Variants in FCHO2 observed in about 807,000 individuals in gnomAD.
FCHO2 encodes the protein FCH and mu domain containing endocytic adaptor 2, also known as F-BAR domain only protein 2.
In FCHO2, 43 loss-of-function variants were observed where a neutral mutation model predicts 114.1. That is an observed-to-expected ratio of 0.38 (90% confidence interval 0.30 to 0.49). The LOEUF (loss-of-function observed/expected upper bound fraction) is 0.49. Ranked by LOEUF, FCHO2 falls within the 20% of genes least tolerant of loss-of-function variation. FCHO2 has a pLI of 0.97. For synonymous variants in FCHO2, 293 were observed against 315.2 expected, an observed-to-expected ratio of 0.93 and a Z score of 0.75; for missense variants, 807 against 950.4, an observed-to-expected ratio of 0.85 and a Z score of 1.98.
Position 72,966,344 on chromosome 5 carries a change from G to T in FCHO2, c.34-2154G>T, listed in dbSNP as rs1217343170. Among the ~76,000 whole-genome samples, 10 of 152,070 alleles carry T rather than the reference G, an allele frequency of 6.6e-5. No individual in the cohort carries two copies. The East Asian group carries it at 1.5e-3, about 23-fold the overall frequency. ...TATCTTTTTGTTTTTTTAGAGACAGGTTCTCACTTTGGCCAGGCTGGTCTT... is the reference window on the plus strand; with the variant it reads ...TATCTTTTTGTTTTTTTAGAGACAGTTTCTCACTTTGGCCAGGCTGGTCTT... On this transcript the variant is annotated intron_variant, in intron 1 of 25. Coordinates refer to ENST00000430046, the MANE Select transcript of FCHO2 (RefSeq NM_138782.3).
intron 8 of FCHO2, chr5:73,020,583 G>A (rs1285496386): frequency 7.9e-5 from 53 of 669,746 alleles, no homozygotes; most frequent in Non-Finnish European, 6.8e-5. Flanking sequence ...TGCAACAGCA[G>A]TAGTACTTTG....
chr5:72,978,561 C>T (rs1310654545), intron 2 of FCHO2, among the ~76,000 whole-genome samples: 1 of 152,150 alleles, frequency 6.6e-6, no homozygotes, highest in Non-Finnish European at 1.5e-5. Context: ...CAAACAGAGA[C>T]AATTTGACAT....
rs1754712077 is a variant in FCHO2 at position 73,006,320 on chromosome 5, A to G, written c.496-125A>G. 6 of 512,248 alleles carry G rather than the reference A, an allele frequency of 1.2e-5. No individual in the cohort carries two copies. In the East Asian group the frequency reaches 2.2e-4, roughly 19 times the overall value. The allele number at this position is 512,248 out of a possible 1,614,324, so 31.7% of individuals were successfully genotyped here. A position where few individuals can be genotyped will look rare whatever the true frequency, so the allele number is the denominator to read the frequency against. On this transcript the variant is annotated intron_variant, in intron 5 of 25. Transcript: ENST00000430046. ...TAAAGAGGGCCTCACAACAAGTATC[A>G]AAGTTAGTTATATGTCATATTGAAC... is the stretch of plus-strand genomic sequence containing the variant.
At chr5:73,011,488 T>C (rs1054895692) in intron 6 of FCHO2, among the ~76,000 whole-genome samples, 1 of 152,310 alleles carries the variant, frequency 6.6e-6, no homozygotes, top group East Asian at 1.9e-4. Context: ...TAAATCTTTT[T>C]CCTAAAAACT....
At chr5:72,995,878 G>A (rs1754065211) in intron 5 of FCHO2, among the ~76,000 whole-genome samples, 1 of 151,982 alleles carries the variant, frequency 6.6e-6, no homozygotes, top group African/African-American at 2.4e-5. Flanking sequence ...CGTCACATTG[G>A]GGATTAAGTT....
chr5:73,002,158 G>A (rs967727551), intron 5 of FCHO2, among the ~76,000 whole-genome samples: 1 of 152,104 alleles, frequency 6.6e-6, no homozygotes, highest in African/African-American at 2.4e-5. Flanking sequence ...GATTTATAGT[G>A]AGAATATCAT....
intron 2 of FCHO2, among the ~76,000 whole-genome samples, chr5:72,975,507 CT>C (rs932555172): frequency 3.4e-5 from 5 of 148,354 alleles, no homozygotes; most frequent in Non-Finnish European, 1.5e-5. Context: ...TTGTATTATT[CT>C]TTTTTTTTTG....
intron 2 of FCHO2, among the ~76,000 whole-genome samples, chr5:72,972,809 G>C (rs1441838339): frequency 6.6e-6 from 1 of 152,050 alleles, no homozygotes; most frequent in Non-Finnish European, 1.5e-5. Context: ...TCCAGTTTTT[G>C]CCCATTCAGT....
chr5:72,962,850 GC>G (rs1751947503), intron 1 of FCHO2, among the ~76,000 whole-genome samples: 1 of 151,610 alleles, frequency 6.6e-6, no homozygotes, highest in Non-Finnish European at 1.5e-5. Flanking sequence ...CCGAGATCAC[GC>G]CACTGTACTC....
chr5:73,046,672 T>A (rs1385680747), intron 11 of FCHO2, among the ~76,000 whole-genome samples: 1 of 152,218 alleles, frequency 6.6e-6, no homozygotes, highest in Non-Finnish European at 1.5e-5. Flanking sequence ...AGTTTCCTTA[T>A]TTTTAAAGTA....
chr5:73,059,814 T>G (rs1757768854), intron 17 of FCHO2, among the ~76,000 whole-genome samples: 1 of 151,930 alleles, frequency 6.6e-6, no homozygotes, highest in African/African-American at 2.4e-5. Flanking sequence ...ATTAACCATA[T>G]ATATATTATA....
At chr5:72,977,023 G>A (rs952129995) in intron 2 of FCHO2, among the ~76,000 whole-genome samples, 1 of 152,124 alleles carries the variant, frequency 6.6e-6, no homozygotes, top group Non-Finnish European at 1.5e-5. Context: ...TCCAGTCTGT[G>A]ATTGATGTGC....
At position 73,051,329 on chromosome 5, in the gene FCHO2, T is replaced by C. The variant is rs957851921; in HGVS notation, c.940-20T>C. 1.3e-6 allele frequency: 2 copies of C among 1,485,156 alleles called. No individual in the cohort carries two copies. Among genetic ancestry groups the C allele is most frequent in the Non-Finnish European group, 9.1e-7 (1 of 1,096,202 alleles). The allele number at this position is 1,485,156 out of a possible 1,614,324, so 92.0% of individuals were successfully genotyped here. Reference sequence around the variant, plus strand: ...GTACATTGGAGTTGTCATTATAATTTTTTTTTCTTTTTCCCTTAGAACATT... The same window carrying C: ...GTACATTGGAGTTGTCATTATAATTCTTTTTTCTTTTTCCCTTAGAACATT... On this transcript the variant is annotated intron_variant, in intron 11 of 25. Transcript: ENST00000430046.
intron 2 of FCHO2, among the ~76,000 whole-genome samples, chr5:72,985,728 T>C (rs1186037824): frequency 6.6e-6 from 1 of 152,218 alleles, no homozygotes; most frequent in African/African-American, 2.4e-5. Flanking sequence ...TATTGGTTCT[T>C]TGAAGGTAAC....
chr5:73,050,494 T>G (rs1430659737), intron 11 of FCHO2, among the ~76,000 whole-genome samples: 1 of 151,884 alleles, frequency 6.6e-6, no homozygotes, highest in African/African-American at 2.4e-5. Flanking sequence ...AATTTTTGTA[T>G]TTTTAGTAGA....
intron 2 of FCHO2, 35 bp from the exon 3 acceptor site, chr5:72,989,391 TA>T: frequency 6.7e-7 from 1 of 1,487,010 alleles, no homozygotes; most frequent in Non-Finnish European, 9.2e-7. Context: ...GGTCACTAAA[TA>T]AGAAGTATTA....
At chr5:73,015,948 T>G (rs1046653666) in intron 7 of FCHO2, among the ~76,000 whole-genome samples, 1 of 152,192 alleles carries the variant, frequency 6.6e-6, no homozygotes, top group African/African-American at 2.4e-5. Flanking sequence ...TTTTTTAAAT[T>G]AACTATATTC....
chr5:73,020,305 G>C (rs1755551181), intron 8 of FCHO2, among the ~76,000 whole-genome samples: 1 of 152,190 alleles, frequency 6.6e-6, no homozygotes, highest in South Asian at 2.1e-4. Context: ...AAGAAGCATG[G>C]TGGCATACTT....
chr5:73,027,018 G>GTTTTGTTTTTTTT (rs1755971613), intron 8 of FCHO2, among the ~76,000 whole-genome samples: 1 of 107,128 alleles, frequency 9.3e-6, no homozygotes, highest in African/African-American at 3.4e-5. Context: ...TTGTTTGTTT[G>GTTTTGTTTTTTTT]TTTTTTTTTT....
Sources: allele counts gnomAD v4.1 joint callset (sites outside exome capture counted in the v4.1 genomes callset), GRCh38; gene constraint gnomAD v4.1.1; transcripts MANE v1.5; gene names NCBI Gene and HGNC (gene_info 2026-07-23, HGNC 2026-07-21).